Variants in PIK3CD observed in about 807,000 individuals in gnomAD.
PIK3CD encodes phosphatidylinositol 4,5-bisphosphate 3-kinase catalytic subunit delta isoform.
Under a neutral mutation model 122.9 loss-of-function variants are expected in PIK3CD, and 20 were observed. The ratio of observed to expected loss-of-function variants is 0.16; its 90% CI spans 0.11 to 0.24. The LOEUF is 0.24. Among genes scored for constraint, PIK3CD ranks in the 10% least tolerant of loss-of-function variants. The pLI, the probability that PIK3CD is intolerant of heterozygous loss-of-function variation, is 1.00. For synonymous variants in PIK3CD, 596 were observed against 593.4 expected, an observed-to-expected ratio of 1.00 and a Z score of -0.06; for missense variants, 787 against 1,406.3, an observed-to-expected ratio of 0.56 and a Z score of 7.04.
chr1:9,649,085 G>A (rs777384931), upstream of PIK3CD, among the ~76,000 whole-genome samples: 1 of 151,194 alleles, frequency 6.6e-6, no homozygotes, highest in Non-Finnish European at 1.5e-5. Flanking sequence ...CTGGGTGACA[G>A]AGCAAGACCC....
intron 1 of PIK3CD, among the ~76,000 whole-genome samples, chr1:9,666,399 AATTTTTGT>A (rs1403190453): frequency 1.4e-5 from 2 of 147,098 alleles, no homozygotes; most frequent in African/African-American, 5.1e-5. Flanking sequence ...CCACCAGGCT[AATTTTTGT>A]ATTTTTGTAG....
chr1:9,652,939 G>A lies in PIK3CD; in HGVS notation c.-138+1137G>A, dbSNP rs115728442. 263 of 152,470 alleles carry A rather than the reference G, an allele frequency of 1.7e-3. 1 individual carries two copies. The highest frequency in any genetic ancestry group is 2.8e-3 in the Non-Finnish European group (193 of 68,126). 9.4% of individuals were successfully genotyped at this position (152,470 alleles called of 1,614,324 possible). A position where few individuals can be genotyped will look rare whatever the true frequency, so the allele number is the denominator to read the frequency against. On this transcript the variant is annotated intron_variant, in intron 1 of 23. Coordinates refer to ENST00000377346, the MANE Select transcript of PIK3CD (RefSeq NM_005026.5). The surrounding 1 kb of genome is among the most constrained non-coding windows in gnomAD (Gnocchi z 6.2). ...CAGTTTGCGGATGGAGCGCGGGGCT[G>A]ATCGGGCAGGTCTCACTTGTGCAGG...
intron 2 of PIK3CD, among the ~76,000 whole-genome samples, chr1:9,693,975 C>G (rs75295507): frequency 0.044 from 6,656 of 152,218 alleles, 475 homozygotes; most frequent in African/African-American, 0.15. Flanking sequence ...TTCCCTTCCC[C>G]ACCCCAGCAG....
chr1:9,724,873 T>C lies in PIK3CD; in HGVS notation c.2934T>C (p.Phe978=), dbSNP rs754792725. Residue 978 remains phenylalanine (F), a synonymous_variant, in exon 23 of 24, where the codon TTT becomes TTC. Coordinates refer to ENST00000377346, the MANE Select transcript of PIK3CD (RefSeq NM_005026.5). The surrounding 1 kb of genome is among the most constrained non-coding windows in gnomAD (Gnocchi z 7.3). ...RRHGLLFLHL[F]ALMRAAGLPE... ...ACGGGCTTCTCTTCCTCCACCTCTTTGCCCTGATGCGGGCGGCAGGCCTGC... is the reference window on the plus strand; with the variant it reads ...ACGGGCTTCTCTTCCTCCACCTCTTCGCCCTGATGCGGGCGGCAGGCCTGC... 2 of 1,614,046 alleles carry C rather than the reference T, an allele frequency of 1.2e-6. No individual in the cohort carries two copies. The highest frequency in any genetic ancestry group is 1.7e-6 in the Non-Finnish European group (2 of 1,180,040).
chr1:9,693,112 A>G (rs567552819), intron 2 of PIK3CD, among the ~76,000 whole-genome samples: 1 of 152,296 alleles, frequency 6.6e-6, no homozygotes, highest in African/African-American at 2.4e-5. Flanking sequence ...CTCGTCTATC[A>G]TCTTACCGCC....
chr1:9,717,036 G>A lies in PIK3CD; in HGVS notation c.858G>A (p.Arg286=). 1 of 1,613,982 alleles carries A rather than the reference G, an allele frequency of 6.2e-7. No homozygotes were observed. The highest frequency in any genetic ancestry group is 8.5e-7 in the Non-Finnish European group (1 of 1,180,012). ...MVHSSSILAM[R]DEQSNPAPQV... is the part of the protein sequence containing the mutation. Reference sequence around the variant, plus strand: ...ATTCCTCCTCCATCCTCGCCATGCGGGATGAGCAGAGCAACCCTGCCCCCC... The same window carrying A: ...ATTCCTCCTCCATCCTCGCCATGCGAGATGAGCAGAGCAACCCTGCCCCCC... The change falls in exon 7 of 24, where the codon CGG becomes CGA. Residue 286 remains arginine (R), a synonymous_variant. Coordinates refer to ENST00000377346, the MANE Select transcript of PIK3CD (RefSeq NM_005026.5). The surrounding 1 kb of genome is among the most constrained non-coding windows in gnomAD (Gnocchi z 5.4).
In PIK3CD at chr1:9,726,255, A is replaced by T. The variant is rs61785183; in HGVS notation, c.2998-654A>T. On this transcript the variant is annotated intron_variant, in intron 23 of 23. Transcript: ENST00000377346. Reference sequence around the variant, plus strand: ...CGGGCACGATGGCTCAGGCCTGTAAACCCAGCACTTTGGGAGGCCAAGGCG... The same window carrying T: ...CGGGCACGATGGCTCAGGCCTGTAATCCCAGCACTTTGGGAGGCCAAGGCG... 6.6e-3 allele frequency among the ~76,000 whole-genome samples: 992 copies of T among 151,282 alleles called. 11 individuals are homozygous for T. The highest frequency in any genetic ancestry group is 0.02 in the African/African-American group (839 of 41,142).
In PIK3CD at chr1:9,719,856, AG is replaced by A. The variant is rs1336680931; in HGVS notation, c.1243-62del. 2 of 1,290,604 alleles carry A rather than the reference AG, an allele frequency of 1.5e-6. No individual in the cohort carries two copies. The highest frequency in any genetic ancestry group is 2.3e-6 in the Non-Finnish European group (2 of 886,336). 79.9% of individuals were successfully genotyped at this position (1,290,604 alleles called of 1,614,324 possible). On this transcript the variant is annotated intron_variant, in intron 9 of 23. Transcript: ENST00000377346. This position sits in a 1 kb window ranked among gnomAD's most constrained non-coding sequence, Gnocchi z 5.5. ...TCTTCTCGGGTGGGGTGCCTGGGGGAGGGCAGGGAAGCTGGGTCTGGAGGCC... is the reference window on the plus strand; with the variant it reads ...TCTTCTCGGGTGGGGTGCCTGGGGGAGGCAGGGAAGCTGGGTCTGGAGGCC...
chr1:9,713,249 G>A (rs1647127962), intron 3 of PIK3CD, among the ~76,000 whole-genome samples: 1 of 152,098 alleles, frequency 6.6e-6, no homozygotes, highest in South Asian at 2.1e-4. Context: ...AGCTGAGGCA[G>A]GAGGATCACT....
At position 9,722,168 on chromosome 1, in the gene PIK3CD, C is replaced by T. The variant is rs368394850; in HGVS notation, c.2234+15C>T. 149 of 1,612,386 alleles carry T rather than the reference C, an allele frequency of 9.2e-5. No individual in the cohort carries two copies. Among genetic ancestry groups the T allele is most frequent in the Non-Finnish European group, 1.2e-4 (136 of 1,179,652 alleles). On this transcript the variant is annotated intron_variant, in intron 17 of 23. Coordinates refer to ENST00000377346, the MANE Select transcript of PIK3CD (RefSeq NM_005026.5). This position sits in a 1 kb window ranked among gnomAD's most constrained non-coding sequence, Gnocchi z 7.6. ...GCTGAAGTCTGGTGAGCCCAAGCCC[C>T]GCCACAAGGGTTCCTCCCACCCCTG...
Position 9,719,655 on chromosome 1 carries a change from C to T in PIK3CD, c.1243-266C>T, listed in dbSNP as rs1373445847. On this transcript the variant is annotated intron_variant, in intron 9 of 23. Transcript: ENST00000377346. The surrounding 1 kb of genome is among the most constrained non-coding windows in gnomAD (Gnocchi z 5.5). ...CAGCCTGGGTGACAGAGCAAGACTC[C>T]GTCTCAAAAAAAAAAAAAAGCCTGA... Among the ~76,000 whole-genome samples the T allele has an allele frequency of 2.2e-5, 3 of 133,818 alleles. No individual in the cohort carries two copies. The highest frequency in any genetic ancestry group is 5.2e-5 in the Non-Finnish European group (3 of 57,442). 87.8% of individuals were successfully genotyped at this position (133,818 alleles called of 152,430 possible).
chr1:9,670,655 C>G (rs966198267), intron 1 of PIK3CD, among the ~76,000 whole-genome samples: 1 of 152,082 alleles, frequency 6.6e-6, no homozygotes, highest in Non-Finnish European at 1.5e-5. Flanking sequence ...AATGAAACAC[C>G]TGGACCAAGT....
At chr1:9,640,739 C>T in the PIK3CD span, among the ~76,000 whole-genome samples, 5 of 152,210 alleles carry the variant, frequency 3.3e-5, no homozygotes, top group Admixed American at 6.6e-5. Flanking sequence ...ATCACAGTCC[C>T]GCCACTCCCC....
chr1:9,696,108 A>G (rs1646407498), intron 2 of PIK3CD, among the ~76,000 whole-genome samples: 1 of 151,430 alleles, frequency 6.6e-6, no homozygotes, highest in African/African-American at 2.4e-5. Flanking sequence ...AGTAGCTGGG[A>G]CTACAGGTGT....
At position 9,720,237 on chromosome 1, in the gene PIK3CD, G is replaced by A. The variant is rs756635161; in HGVS notation, c.1465G>A (p.Glu489Lys). The change falls in exon 11 of 24, where the codon GAG becomes AAG. Residue 489 changes from glutamate (E) to lysine (K), a missense_variant. This residue lies in a region of PIK3CD where 592 missense variants were observed against 920.6 expected (regional missense o/e 0.64). Coordinates refer to ENST00000377346, the MANE Select transcript of PIK3CD (RefSeq NM_005026.5). This position sits in a 1 kb window ranked among gnomAD's most constrained non-coding sequence, Gnocchi z 9.0. ...GCACCCCGTGTACTACCCCGCCCTG[G>A]AGAAGGTCAGTGGGGGCCCCGCCGC... is the stretch of plus-strand genomic sequence containing the variant. ...APHPVYYPAL[E>K]KILELGRHSE... 3 of 1,604,932 alleles carry A rather than the reference G, an allele frequency of 1.9e-6. No homozygotes were observed. The Admixed American group carries it at 5.0e-5, about 27-fold the overall frequency.
intron 2 of PIK3CD, among the ~76,000 whole-genome samples, chr1:9,708,199 T>G (rs963145301): frequency 1.3e-5 from 2 of 151,474 alleles, no homozygotes; most frequent in African/African-American, 4.8e-5. Flanking sequence ...TTTGTTTGTT[T>G]GTTTGAGACA....
At chr1:9,653,445 C>T (rs1644739889) in intron 1 of PIK3CD, 1 of 252,762 alleles carries the variant, frequency 4.0e-6, no homozygotes, top group Non-Finnish European at 7.8e-6. Flanking sequence ...TCTCCAGGAT[C>T]CCAGCTCTTT....
chr1:9,630,233 A>G, the PIK3CD span, among the ~76,000 whole-genome samples: 1 of 152,206 alleles, frequency 6.6e-6, no homozygotes, highest in Non-Finnish European at 1.5e-5. Flanking sequence ...AGGTGAGTCT[A>G]GCCTCCCTAC....
chr1:9,629,745 C>G, the PIK3CD span, among the ~76,000 whole-genome samples: 20 of 152,216 alleles, frequency 1.3e-4, no homozygotes, highest in East Asian at 3.1e-3. Flanking sequence ...GGGTACTCGC[C>G]GGACTCCCAG....
Sources: gnomAD v4.1 joint callset for allele counts (sites outside exome capture counted in the v4.1 genomes callset) on GRCh38, gnomAD v4.1.1 for gene constraint, gnomAD v4.1.1 regional missense constraint, Gnocchi (gnomAD v3.1) non-coding constraint, MANE v1.5 for transcripts, NCBI Gene and HGNC (gene_info 2026-07-23, HGNC 2026-07-21) for gene names.